Variants in IL4I1 observed in about 807,000 individuals in gnomAD.
IL4I1 encodes the protein interleukin 4 induced 1, also known as L-amino-acid oxidase.
In IL4I1, 24 loss-of-function variants were observed where a neutral mutation model predicts 29.7. The observed-to-expected ratio is 0.81, with a 90% CI of 0.59 to 1.14. The LOEUF (loss-of-function observed/expected upper bound fraction) is 1.14. Among genes scored for constraint, IL4I1 ranks in the 50% most tolerant of loss-of-function variants. IL4I1 has a pLI of 0.00. For missense variants in IL4I1, 686 were observed against 785.6 expected, an observed-to-expected ratio of 0.87 and a Z score of 1.52; for synonymous variants, 371 against 352.5, an observed-to-expected ratio of 1.05 and a Z score of -0.59.
At chr19:49,909,204 C>T in intron 2 of IL4I1, 1 of 1,614,090 alleles carries the variant, frequency 6.2e-7, no homozygotes, top group South Asian at 1.1e-5. Flanking sequence ...GGCTGTGTGG[C>T]ACCTGCTGTG....
At chr19:49,926,855 CTT>C (rs57084948) in intron 2 of IL4I1, among the ~76,000 whole-genome samples, 11,034 of 125,628 alleles carry the variant, frequency 0.088, 462 homozygotes, top group African/African-American at 0.15. Flanking sequence ...GAAGTAGGTA[CTT>C]TTTTTTTTTT....
At chr19:49,911,177 C>G (rs1357112814) in intron 2 of IL4I1, 1 of 152,242 alleles carries the variant, frequency 6.6e-6, no homozygotes, top group Non-Finnish European at 1.5e-5. Context: ...GCCAGGACTA[C>G]AGGCGTGAGC....
intron 2 of IL4I1, among the ~76,000 whole-genome samples, chr19:49,925,118 ATG>A (rs1443464984): frequency 6.6e-6 from 1 of 151,922 alleles, no homozygotes; most frequent in Non-Finnish European, 1.5e-5. Context: ...AAAATTAGCC[ATG>A]TGTGGTGACA....
chr19:49,928,863 G>T (rs1449078455), intron 1 of IL4I1: 1 of 152,278 alleles, frequency 6.6e-6, no homozygotes, highest in Non-Finnish European at 1.5e-5. Flanking sequence ...AAGAGAATGA[G>T]GCTGGATCCT....
rs888040682 is a variant in IL4I1, at chr19:49,909,037, G to A, written c.-227-4716C>T. ...CGGAAGCTGCTCCAGGTGCCTTTAA[G>A]CTGAAGCCCTGTGTCCCAGCAGTGG... On this transcript the variant is annotated intron_variant, in intron 2 of 9. Coordinates refer to the IL4I1 transcript ENST00000341114. 4 of 1,613,240 alleles carry A rather than the reference G, an allele frequency of 2.5e-6. No homozygotes were observed. The highest frequency in any genetic ancestry group is 3.4e-6 in the Non-Finnish European group (4 of 1,180,018).
chr19:49,920,803 G>A (rs972199987), intron 2 of IL4I1, among the ~76,000 whole-genome samples: 3 of 152,224 alleles, frequency 2.0e-5, no homozygotes, highest in African/African-American at 4.8e-5. Context: ...TCAGGGCTGA[G>A]GGACTCTGAG....
At chr19:49,909,825 G>A (rs760580225) in intron 2 of IL4I1, 13 of 1,613,154 alleles carry the variant, frequency 8.1e-6, no homozygotes, top group African/African-American at 1.3e-5. Flanking sequence ...GACTCTGGTG[G>A]CGGCAGCTAC....
intron 2 of IL4I1, among the ~76,000 whole-genome samples, chr19:49,913,779 T>C (rs1420158101): frequency 6.6e-6 from 1 of 152,124 alleles, no homozygotes; most frequent in African/African-American, 2.4e-5. Flanking sequence ...CGCAGGGTGG[T>C]CTTGGGGACT....
chr19:49,892,404 G>A (rs2075151544), intron 5 of IL4I1, among the ~76,000 whole-genome samples: 1 of 152,010 alleles, frequency 6.6e-6, no homozygotes, highest in Non-Finnish European at 1.5e-5. Context: ...GACTCTCTGG[G>A]GAAGGCCTCA....
intron 2 of IL4I1, among the ~76,000 whole-genome samples, chr19:49,905,925 T>C (rs1279265278): frequency 5.9e-5 from 9 of 151,904 alleles, no homozygotes; most frequent in East Asian, 3.9e-4. Context: ...TAATGACTCA[T>C]GATCATGACT....
chr19:49,901,742 T>TCAA, upstream of IL4I1: 1 of 1,503,716 alleles, frequency 6.7e-7, no homozygotes, highest in Non-Finnish European at 8.9e-7. Flanking sequence ...TGAATGATGG[T>TCAA]GGCTTTGTCC....
intron 2 of IL4I1, chr19:49,917,655 G>A (rs1481005210): frequency 1.3e-5 from 2 of 152,398 alleles, no homozygotes; most frequent in African/African-American, 2.4e-5. Flanking sequence ...GTCGCCTGGC[G>A]GGAGCTGGCG....
chr19:49,913,315 C>T (rs2075527805), intron 2 of IL4I1, among the ~76,000 whole-genome samples: 1 of 152,202 alleles, frequency 6.6e-6, no homozygotes, highest in Non-Finnish European at 1.5e-5. Flanking sequence ...GGCCCTTGAC[C>T]AGCTCCAGGA....
intron 2 of IL4I1, chr19:49,909,242 G>T (rs2075399020): frequency 1.2e-6 from 2 of 1,614,038 alleles, no homozygotes. Flanking sequence ...CGGAGTGAAG[G>T]GCAACGTGGC....
chr19:49,923,063 T>G (rs892365775), intron 2 of IL4I1, among the ~76,000 whole-genome samples: 2 of 151,506 alleles, frequency 1.3e-5, no homozygotes, highest in Non-Finnish European at 2.9e-5. Context: ...TTGTTATCAG[T>G]TTGCTGTGTC....
intron 5 of IL4I1, among the ~76,000 whole-genome samples, chr19:49,893,224 G>T (rs1314986629): frequency 6.6e-6 from 1 of 152,078 alleles, no homozygotes; most frequent in Admixed American, 6.5e-5. Flanking sequence ...TGGGTGTGTG[G>T]GAAGACGTTT....
chr19:49,914,726 G>GTTTTTTT lies in IL4I1; in HGVS notation c.-227-10412_-227-10406dup, dbSNP rs530372497. 9.4e-3 allele frequency among the ~76,000 whole-genome samples: 528 copies of GTTTTTTT among 56,390 alleles called. 114 individuals are homozygous for GTTTTTTT. Among genetic ancestry groups the GTTTTTTT allele is most frequent in the African/African-American group, 1.0e-2 (154 of 15,442 alleles). The allele number at this position is 56,390 out of a possible 152,430, so 37.0% of individuals were successfully genotyped here. On this transcript the variant is annotated intron_variant, in intron 2 of 9. Coordinates refer to the IL4I1 transcript ENST00000341114. ...GATTCTTGTGCCACTCCAAGTCCCA[G>GTTTTTTT]TTTTTTTTTTTTTTTTTTTTTTTTT...
At chr19:49,928,886 AG>A (rs2075982584) in intron 1 of IL4I1, 1 of 152,298 alleles carries the variant, frequency 6.6e-6, no homozygotes, top group African/African-American at 2.4e-5. Flanking sequence ...AAATCACAGG[AG>A]GAAGCAGGCC....
chr19:49,909,360 C>T (rs1233129164), intron 2 of IL4I1: 1 of 1,613,748 alleles, frequency 6.2e-7, no homozygotes, highest in Non-Finnish European at 8.5e-7. Context: ...GTAGCTGGAG[C>T]CACAGAGGTG....
Sources: gnomAD v4.1 joint callset for allele counts (sites outside exome capture counted in the v4.1 genomes callset) on GRCh38, gnomAD v4.1.1 for gene constraint, MANE v1.5 for transcripts, NCBI Gene and HGNC (gene_info 2026-07-23, HGNC 2026-07-21) for gene names.